The following OGG1 variants were observed in gnomAD, a reference collection of about 807,000 sequenced individuals.
OGG1 encodes the protein N-glycosylase/DNA lyase.
In OGG1, 35 loss-of-function variants were observed where a neutral mutation model predicts 42.3. The observed-to-expected ratio is 0.83, with a 90% CI of 0.63 to 1.10. The LOEUF is 1.10. Ranked by LOEUF, OGG1 falls within the 50% of genes least tolerant of loss-of-function variation. The pLI, the probability that OGG1 is intolerant of heterozygous loss-of-function variation, is 0.00. For synonymous variants in OGG1, 189 were observed against 179.0 expected, an observed-to-expected ratio of 1.06 and a Z score of -0.44; for missense variants, 484 against 446.7, an observed-to-expected ratio of 1.08 and a Z score of -0.75.
chr3:9,761,656 G>A (rs377236766), downstream of OGG1: 56 of 1,614,000 alleles, frequency 3.5e-5, no homozygotes, highest in East Asian at 4.5e-5. Flanking sequence ...TTCCACAGGC[G>A]GTGGAGAGCA....
Position 9,751,097 on chromosome 3 carries a change from G to A in OGG1, c.290G>A (p.Arg97His), listed in dbSNP as rs761716022. The A allele has an allele frequency of 1.9e-6, 3 of 1,614,110 alleles. No individual in the cohort carries two copies. Among genetic ancestry groups the A allele is most frequent in the Non-Finnish European group, 1.7e-6 (2 of 1,179,992 alleles). ...ACACCAGACGAGCTGGAGGCCGTGC[G>A]CAAGTACTTCCAGCTAGATGTTACC... ...RPTPDELEAV[R>H]KYFQLDVTLA... Residue 97 changes from arginine to histidine, a missense_variant, in exon 2 of 7, where the codon CGC (arginine) becomes CAC (histidine). Coordinates refer to ENST00000344629, the MANE Select transcript of OGG1 (RefSeq NM_002542.6).
chr3:9,780,712 C>T (rs2078439679), intron 2 of OGG1, among the ~76,000 whole-genome samples: 1 of 152,228 alleles, frequency 6.6e-6, no homozygotes, highest in Non-Finnish European at 1.5e-5. Context: ...TTACATGGCA[C>T]TATCTTAAGC....
chr3:9,789,778 C>G, downstream of OGG1: 8 of 1,614,242 alleles, frequency 5.0e-6, no homozygotes, highest in Non-Finnish European at 6.8e-6. Context: ...ATTCATATTC[C>G]TGGATCTTGG....
chr3:9,750,566 C>G (rs1434958192), intron 1 of OGG1, 143 bp downstream of exon 1: 1 of 1,120,524 alleles, frequency 8.9e-7, no homozygotes, highest in Non-Finnish European at 1.3e-6. Context: ...GGTAGCCAAC[C>G]TGTTACCTTT....
chr3:9,783,971 G>T, intron 3 of OGG1: 1 of 1,555,536 alleles, frequency 6.4e-7, no homozygotes, highest in Non-Finnish European at 8.7e-7. Context: ...AAGGTGACTA[G>T]CCGTGGCCAC....
At chr3:9,765,834 G>A in exon 8 of OGG1, 1 of 1,613,986 alleles carries the variant, frequency 6.2e-7, no homozygotes, top group Non-Finnish European at 8.5e-7. Flanking sequence ...GCATTTGATG[G>A]CCACCAGCTT....
chr3:9,761,723 T>C (rs1258139322), downstream of OGG1: 2 of 1,613,932 alleles, frequency 1.2e-6, no homozygotes, highest in East Asian at 4.5e-5. Context: ...GATTTTGGAG[T>C]CTTCATCCAG....
chr3:9,753,848 C>T (rs1575193873), intron 3 of OGG1, among the ~76,000 whole-genome samples: 1 of 152,168 alleles, frequency 6.6e-6, no homozygotes. Context: ...GTTAAGAGCA[C>T]GGCGTTAGCC....
intron 3 of OGG1, among the ~76,000 whole-genome samples, chr3:9,781,857 T>TAG (rs2078476760): frequency 8.5e-6 from 1 of 117,404 alleles, no homozygotes; most frequent in African/African-American, 3.1e-5. Context: ...TTTTTTTTTT[T>TAG]TGAGACAGGT....
chr3:9,755,790 A>G (rs187694853), intron 4 of OGG1, among the ~76,000 whole-genome samples: 2 of 152,052 alleles, frequency 1.3e-5, no homozygotes, highest in African/African-American at 4.8e-5. Flanking sequence ...TCTGTAGTTT[A>G]AAAAATGAAT....
downstream of OGG1, chr3:9,759,570 G>T (rs1385072049): frequency 1.5e-5 from 24 of 1,614,016 alleles, no homozygotes; most frequent in Non-Finnish European, 2.0e-5. Context: ...TGTATCTCCT[G>T]CAATCCTAGG....
At chr3:9,752,107 C>T in intron 3 of OGG1, 158 bp downstream of exon 3, 4 of 668,474 alleles carry the variant, frequency 6.0e-6, no homozygotes, top group Non-Finnish European at 1.0e-5. Context: ...ACTCATCCTC[C>T]CTATGCATCC....
At chr3:9,781,592 T>A (rs2078466668) in exon 3 of OGG1, 1 of 456,224 alleles carries the variant, frequency 2.2e-6, no homozygotes, top group African/African-American at 2.0e-5. Context: ...AGCCTGAGGC[T>A]GACAGGAGGT....
intron 3 of OGG1, among the ~76,000 whole-genome samples, chr3:9,753,973 A>G (rs2077424674): frequency 6.6e-6 from 1 of 152,174 alleles, no homozygotes; most frequent in Non-Finnish European, 1.5e-5. Flanking sequence ...CCTCATCTCT[A>G]CAAAAAATAA....
rs1294288572 is a variant in OGG1, at chr3:9,751,802, T to C, written c.418T>C (p.Cys140Arg). The C allele has an allele frequency of 6.2e-7, 1 of 1,614,166 alleles. No homozygotes were observed. The highest frequency in any genetic ancestry group is 1.7e-5 in the Admixed American group (1 of 60,020). The change falls in exon 3 of 7, where the codon TGC becomes CGC. Residue 140 changes from cysteine to arginine, a missense_variant. Physicochemically the swap from Cys to Arg is radical, Grantham distance 180. Coordinates refer to ENST00000344629, the MANE Select transcript of OGG1 (RefSeq NM_002542.6). ...VRLLRQDPIE[C>R]LFSFICSSNN... is the part of the protein sequence containing the mutation. The stretch of plus-strand genomic sequence containing the variant: ...ACTGCTGCGACAAGACCCCATCGAA[T>C]GCCTTTTCTCTTTTATCTGTTCCTC...
At chr3:9,757,993 A>T, downstream of OGG1, 1 of 1,345,986 alleles carries the variant, frequency 7.4e-7, no homozygotes, top group South Asian at 1.6e-5. This position sits in a 1 kb window ranked among gnomAD's most constrained non-coding sequence, Gnocchi z 4.5. Context: ...CCCCCCAAAA[A>T]CCTCTACAAG....
intron 7 of OGG1, chr3:9,763,204 G>T (rs2077973566): frequency 6.2e-7 from 1 of 1,613,780 alleles, no homozygotes; most frequent in Non-Finnish European, 8.5e-7. Context: ...CAATGTTGGG[G>T]TGCTTGATCC....
downstream of OGG1, chr3:9,759,536 C>G (rs1475100852): frequency 6.2e-7 from 1 of 1,614,174 alleles, no homozygotes; most frequent in Admixed American, 1.7e-5. Flanking sequence ...CACTCACCGA[C>G]TGGTGGATAT....
At chr3:9,789,810 G>C, downstream of OGG1, 1 of 1,614,198 alleles carries the variant, frequency 6.2e-7, no homozygotes, top group Non-Finnish European at 8.5e-7. Flanking sequence ...TTGGATTTGG[G>C]CCGTCCTGGG....
Sources: allele counts gnomAD v4.1 joint callset (sites outside exome capture counted in the v4.1 genomes callset), GRCh38; gene constraint gnomAD v4.1.1; non-coding constraint Gnocchi (gnomAD v3.1); transcripts MANE v1.5; gene names NCBI Gene and HGNC (gene_info 2026-07-23, HGNC 2026-07-21).